Variants in NCKAP5 observed in about 807,000 individuals in gnomAD.
NCKAP5 encodes the protein nck-associated protein 5.
Under a neutral mutation model 167.0 loss-of-function variants are expected in NCKAP5, and 92 were observed. The ratio of observed to expected loss-of-function variants is 0.55; its 90% confidence interval spans 0.47 to 0.66. The LOEUF (loss-of-function observed/expected upper bound fraction) is 0.66. NCKAP5 is among the 30% of genes least tolerant of loss of function. NCKAP5 has a pLI of 0.00. For synonymous variants in NCKAP5, 891 were observed against 877.4 expected (o/e 1.02, Z -0.27); for missense variants, 2,378 against 2,315.0 (o/e 1.03, Z -0.56).
chr2:133,638,290 G>A, the NCKAP5 span, among the ~76,000 whole-genome samples: 9 of 152,156 alleles, frequency 5.9e-5, no homozygotes, highest in Admixed American at 4.6e-4. Context: ...TGCTAAACTA[G>A]GGAAATACAA....
chr2:133,331,788 G>A (rs964701381), intron 3 of NCKAP5, among the ~76,000 whole-genome samples: 4 of 152,218 alleles, frequency 2.6e-5, no homozygotes, highest in African/African-American at 9.6e-5. Context: ...TCTCCCTGGA[G>A]GGAGCACAAC....
At chr2:133,167,271 C>T (rs2084038533) in intron 5 of NCKAP5, among the ~76,000 whole-genome samples, 1 of 152,162 alleles carries the variant, frequency 6.6e-6, no homozygotes, top group Non-Finnish European at 1.5e-5. Context: ...CTTAGTATCA[C>T]TCAGGGTGGA....
At chr2:132,889,780 A>G (rs896937186) in intron 8 of NCKAP5, among the ~76,000 whole-genome samples, 1 of 152,232 alleles carries the variant, frequency 6.6e-6, no homozygotes, top group African/African-American at 2.4e-5. Flanking sequence ...GAAAGCAAAT[A>G]ATGTCAGACA....
chr2:133,364,204 T>C, intron 3 of NCKAP5, among the ~76,000 whole-genome samples: 1 of 152,168 alleles, frequency 6.6e-6, no homozygotes, highest in Non-Finnish European at 1.5e-5. Context: ...ATTCAAAACC[T>C]TGTCTGCTTG....
intron 2 of NCKAP5, among the ~76,000 whole-genome samples, chr2:133,539,380 A>G (rs954360766): frequency 1.3e-5 from 2 of 152,202 alleles, no homozygotes; most frequent in Non-Finnish European, 2.9e-5. Flanking sequence ...AGGAAGCTCC[A>G]ATTCAAGATG....
In NCKAP5 at chr2:133,462,542, A is replaced by G. The variant is rs1347872516; in HGVS notation, c.69+54916T>C. Among the ~76,000 whole-genome samples, 5 of 152,314 alleles carry G rather than the reference A, an allele frequency of 3.3e-5. No individual in the cohort carries two copies. In the East Asian group the frequency reaches 9.6e-4, roughly 29 times the overall value. Reference sequence around the variant, plus strand: ...CATCAGAAATGGAAGTTCCAAATATACTTTTATAAGACAATCATGACCATG... The same window carrying G: ...CATCAGAAATGGAAGTTCCAAATATGCTTTTATAAGACAATCATGACCATG... On this transcript the variant is annotated intron_variant, in intron 3 of 19. Coordinates refer to ENST00000409261, the MANE Select transcript of NCKAP5 (RefSeq NM_207363.3).
Position 133,517,574 on chromosome 2 carries a change from T to C in NCKAP5, c.-48A>G. 7.8e-7 allele frequency: 1 copy of C among 1,283,684 alleles called. No homozygotes were observed. Among genetic ancestry groups the C allele is most frequent in the Admixed American group, 2.4e-5 (1 of 40,862 alleles). 79.5% of individuals were successfully genotyped at this position (1,283,684 alleles called of 1,614,324 possible). On this transcript the variant is annotated 5_prime_UTR_variant, in exon 3 of 20. Coordinates refer to ENST00000409261, the MANE Select transcript of NCKAP5 (RefSeq NM_207363.3). ...TTGTGACTTATAAGAATCCCCCGTC[T>C]GTTTCCAGGGTCACTGAAAAGAGTG...
chr2:133,104,739 A>G (rs1320077309), intron 6 of NCKAP5, among the ~76,000 whole-genome samples: 2 of 152,214 alleles, frequency 1.3e-5, no homozygotes, highest in Non-Finnish European at 2.9e-5. Context: ...ACACTCAAAG[A>G]TCATTTCACT....
intron 3 of NCKAP5, among the ~76,000 whole-genome samples, chr2:133,493,317 T>C (rs1362025676): frequency 2.0e-5 from 3 of 152,220 alleles, no homozygotes; most frequent in Non-Finnish European, 4.4e-5. Context: ...AAGATGGGCA[T>C]AGGGAAAAGG....
At position 132,731,730 on chromosome 2, in the gene NCKAP5, A is replaced by G. The variant is rs1366055110; in HGVS notation, c.5443+7T>C. 1 of 1,565,900 alleles carries G rather than the reference A, an allele frequency of 6.4e-7. No individual in the cohort carries two copies. The highest frequency in any genetic ancestry group is 1.4e-5 in the African/African-American group (1 of 73,170). ...GTCTTATTAAGGGTGGGAAATTGGC[A>G]TTTTACCTGAGGAAGCTGGTTTGGG... On this transcript the variant is annotated splice_region_variant and intron_variant, in intron 17 of 19. Transcript: ENST00000409261.
chr2:133,097,112 T>C (rs1015649559), intron 6 of NCKAP5, among the ~76,000 whole-genome samples: 1 of 152,166 alleles, frequency 6.6e-6, no homozygotes, highest in African/African-American at 2.4e-5. Context: ...CAAGGTGTGA[T>C]GTGTCACAAC....
At chr2:133,008,715 A>G (rs1315905457) in intron 6 of NCKAP5, among the ~76,000 whole-genome samples, 1 of 152,240 alleles carries the variant, frequency 6.6e-6, no homozygotes, top group Non-Finnish European at 1.5e-5. Flanking sequence ...CTGTCTAGAT[A>G]TTTAATAGGT....
chr2:133,061,466 CAT>C (rs1276243998), intron 6 of NCKAP5, among the ~76,000 whole-genome samples: 6 of 152,164 alleles, frequency 3.9e-5, no homozygotes, highest in Non-Finnish European at 8.8e-5. Flanking sequence ...ACCCCTATGA[CAT>C]GTGTTTACCT....
At chr2:133,079,185 T>C (rs2080718222) in intron 6 of NCKAP5, among the ~76,000 whole-genome samples, 4 of 152,152 alleles carry the variant, frequency 2.6e-5, no homozygotes, top group Admixed American at 1.3e-4. Flanking sequence ...TCTTTTGTCC[T>C]ATACAATGAT....
intron 19 of NCKAP5, among the ~76,000 whole-genome samples, chr2:132,720,544 T>C (rs1689807760): frequency 6.6e-6 from 1 of 151,848 alleles, no homozygotes; most frequent in East Asian, 1.9e-4. Flanking sequence ...TTTTGAAGGG[T>C]GGGTTCCAAG....
intron 3 of NCKAP5, among the ~76,000 whole-genome samples, chr2:133,403,400 A>T (rs753114319): frequency 6.6e-6 from 1 of 152,266 alleles, no homozygotes; most frequent in Non-Finnish European, 1.5e-5. Context: ...GCAGATATGC[A>T]TGGCCACAGG....
chr2:133,575,125 T>A, the NCKAP5 span, among the ~76,000 whole-genome samples: 1 of 152,326 alleles, frequency 6.6e-6, no homozygotes, highest in African/African-American at 2.4e-5. Flanking sequence ...TGGTCATTTG[T>A]CCAAGAAACC....
At chr2:133,383,065 A>T (rs954126394) in intron 3 of NCKAP5, among the ~76,000 whole-genome samples, 18 of 151,356 alleles carry the variant, frequency 1.2e-4, no homozygotes, top group East Asian at 7.7e-4. Flanking sequence ...GCTTTTTTTA[A>T]AAAAAATTTT....
chr2:133,069,056 A>G (rs1255182690), intron 6 of NCKAP5, among the ~76,000 whole-genome samples: 1 of 152,204 alleles, frequency 6.6e-6, no homozygotes, highest in Non-Finnish European at 1.5e-5. Context: ...TATGGTGCAA[A>G]ACTGTAACCC....
Sources: allele counts gnomAD v4.1 joint callset (sites outside exome capture counted in the v4.1 genomes callset), GRCh38; gene constraint gnomAD v4.1.1; transcripts MANE v1.5; gene names NCBI Gene and HGNC (gene_info 2026-07-23, HGNC 2026-07-21).